Variants in CPNE1 observed in about 807,000 individuals in gnomAD.
CPNE1 encodes copine 1, also known as copine-1.
CPNE1 carries 58 observed loss-of-function variants against 63.2 expected under a neutral mutation model. That is an observed-to-expected ratio of 0.92 (90% CI 0.74 to 1.14). The LOEUF is 1.14. Ranked by LOEUF, CPNE1 falls within the 50% of genes most tolerant of loss-of-function variation. The probability of loss-of-function intolerance (pLI) is 0.00; values close to 1 mark genes in which losing one functional copy is unlikely to be tolerated. For missense variants in CPNE1, 672 were observed against 661.7 expected (o/e 1.02, Z -0.17); for synonymous variants, 237 against 249.0 (o/e 0.95, Z 0.45).
chr20:35,655,340 C>T (rs1601481488), intron 1 of CPNE1: 1 of 1,596,490 alleles, frequency 6.3e-7, no homozygotes, highest in Non-Finnish European at 8.5e-7. Context: ...TGAAACCACA[C>T]ACACCTGCAG....
intron 13 of CPNE1, 132 bp downstream of exon 13, chr20:35,630,307 A>T: frequency 1.3e-6 from 1 of 743,698 alleles, no homozygotes; most frequent in Non-Finnish European, 2.2e-6. Flanking sequence ...AAAATAAATT[A>T]AACTAAAATT....
At chr20:35,651,694 A>C (rs773872869) in intron 1 of CPNE1, 10 of 152,626 alleles carry the variant, frequency 6.6e-5, no homozygotes, top group Non-Finnish European at 1.2e-4. Context: ...CTGGTTTTCG[A>C]TACCATCCAA....
chr20:35,637,546 C>T (rs1000593006), intron 1 of CPNE1, among the ~76,000 whole-genome samples: 1 of 152,182 alleles, frequency 6.6e-6, no homozygotes, highest in African/African-American at 2.4e-5. Flanking sequence ...GTCCTGTCAT[C>T]CATGGTTCTA....
chr20:35,655,947 A>T (rs1221094868), intron 1 of CPNE1, among the ~76,000 whole-genome samples: 1 of 152,206 alleles, frequency 6.6e-6, no homozygotes, highest in African/African-American at 2.4e-5. Context: ...ATTCATCCTA[A>T]AACTTTTCAA....
intron 1 of CPNE1, chr20:35,652,592 T>C (rs769620579): frequency 1.2e-6 from 2 of 1,614,122 alleles, no homozygotes; most frequent in African/African-American, 2.7e-5. Context: ...ACAGCAGCTG[T>C]GGCTTCATCC....
rs370939252 is a variant in CPNE1, at chr20:35,657,487, T to C, written c.-1+7273A>G. Among the ~76,000 whole-genome samples, 62 of 152,174 alleles carry C rather than the reference T, an allele frequency of 4.1e-4. 3 individuals are homozygous for C. In the South Asian group the frequency reaches 0.012, roughly 31 times the overall value. On this transcript the variant is annotated intron_variant, in intron 1 of 15. Coordinates refer to ENST00000397443, the MANE Select transcript of CPNE1 (RefSeq NM_152925.3). Reference sequence around the variant, plus strand: ...ACTTGAGAGAGAGAGAGAGACTAGTTTGCACTGGGACAATCAAACAGAAAC... The same window carrying C: ...ACTTGAGAGAGAGAGAGAGACTAGTCTGCACTGGGACAATCAAACAGAAAC...
chr20:35,642,415 T>C (rs1280019553), intron 1 of CPNE1, among the ~76,000 whole-genome samples: 1 of 152,152 alleles, frequency 6.6e-6, no homozygotes, highest in East Asian at 1.9e-4. Flanking sequence ...ATGCTCACAC[T>C]CCTATTGCCT....
At position 35,631,648 on chromosome 20, in the gene CPNE1, T is replaced by C. The variant is rs755377869; in HGVS notation, c.627+40A>G. 3.1e-6 allele frequency: 5 copies of C among 1,609,912 alleles called. No individual in the cohort carries two copies. In the Admixed American group the frequency reaches 5.0e-5, roughly 16 times the overall value. On this transcript the variant is annotated intron_variant, in intron 7 of 15. Transcript: ENST00000397443. ...TGAGAATAAGTCCCTCCCCAGGTTC[T>C]CTTCTCCAGCGCAGTCCACTTAGGG...
chr20:35,646,773 T>C (rs1319244556), intron 1 of CPNE1, among the ~76,000 whole-genome samples: 1 of 152,178 alleles, frequency 6.6e-6, no homozygotes, highest in Non-Finnish European at 1.5e-5. Flanking sequence ...TCAACACCTT[T>C]GACTGTTCAT....
intron 1 of CPNE1, chr20:35,654,061 C>G: frequency 1.2e-6 from 2 of 1,614,162 alleles, no homozygotes; most frequent in Non-Finnish European, 1.7e-6. Flanking sequence ...TGATCTTGAC[C>G]TTGATCTTTT....
intron 1 of CPNE1, among the ~76,000 whole-genome samples, chr20:35,638,413 G>A (rs1004842217): frequency 5.3e-5 from 8 of 152,096 alleles, no homozygotes; most frequent in East Asian, 1.9e-4. Context: ...GATCCACAGC[G>A]TTAATTATCA....
chr20:35,652,775 A>C (rs760936506), intron 1 of CPNE1: 1 of 1,611,652 alleles, frequency 6.2e-7, no homozygotes, highest in Non-Finnish European at 8.5e-7. Flanking sequence ...GGTTTTCCAG[A>C]ACTAGATGCA....
At chr20:35,661,039 G>A (rs938757549) in intron 1 of CPNE1, among the ~76,000 whole-genome samples, 10 of 152,204 alleles carry the variant, frequency 6.6e-5, no homozygotes, top group Admixed American at 6.5e-4. Flanking sequence ...CAAGTTTTAT[G>A]TGTACAACTT....
At chr20:35,638,296 T>A (rs2032603065) in intron 1 of CPNE1, among the ~76,000 whole-genome samples, 1 of 152,192 alleles carries the variant, frequency 6.6e-6, no homozygotes, top group East Asian at 1.9e-4. Context: ...GAAATTTAAA[T>A]GCAGGACTCC....
chr20:35,652,579 A>G, intron 1 of CPNE1: 3 of 1,614,210 alleles, frequency 1.9e-6, no homozygotes, highest in Non-Finnish European at 2.5e-6. Context: ...ATTTAAGTCA[A>G]TGACAGCAGC....
intron 1 of CPNE1, chr20:35,652,474 A>G (rs1261358308): frequency 6.5e-7 from 1 of 1,543,266 alleles, no homozygotes; most frequent in Non-Finnish European, 8.7e-7. Flanking sequence ...ATCTGGATGC[A>G]TTAATCACAG....
intron 1 of CPNE1, among the ~76,000 whole-genome samples, chr20:35,633,338 C>T (rs1249792213): frequency 6.6e-6 from 1 of 152,226 alleles, no homozygotes; most frequent in Non-Finnish European, 1.5e-5. Context: ...CTGATCCTAA[C>T]ATAACCCCAA....
chr20:35,658,072 AT>A (rs2146365949), intron 1 of CPNE1, among the ~76,000 whole-genome samples: 1 of 151,092 alleles, frequency 6.6e-6, no homozygotes, highest in South Asian at 2.2e-4. Context: ...AATAAAACAA[AT>A]AAAAATTTAA....
intron 13 of CPNE1, among the ~76,000 whole-genome samples, chr20:35,629,759 G>A (rs1037345108): frequency 1.3e-5 from 2 of 151,630 alleles, no homozygotes; most frequent in African/African-American, 4.8e-5. Flanking sequence ...CCTGGGCTCA[G>A]GTGATCCTCC....
Sources: gnomAD v4.1 joint callset for allele counts (sites outside exome capture counted in the v4.1 genomes callset) on GRCh38, gnomAD v4.1.1 for gene constraint, MANE v1.5 for transcripts, NCBI Gene and HGNC (gene_info 2026-07-23, HGNC 2026-07-21) for gene names.